The following RFXANK variants were observed in gnomAD, a reference collection of about 807,000 sequenced individuals.
RFXANK encodes the protein DNA-binding protein RFXANK.
In RFXANK, 19 loss-of-function variants were observed where a neutral mutation model predicts 34.5. The observed-to-expected ratio is 0.55, with a 90% CI of 0.38 to 0.81. The LOEUF is 0.81. Ranked by LOEUF, RFXANK falls within the 30% of genes least tolerant of loss-of-function variation. The pLI, the probability that RFXANK is intolerant of heterozygous loss-of-function variation, is 0.00. For synonymous variants in RFXANK, 154 were observed against 149.8 expected (o/e 1.03, Z -0.20); for missense variants, 295 against 343.5 (o/e 0.86, Z 1.12).
In RFXANK at chr19:19,198,090, C is replaced by G; in HGVS notation, c.439-17C>G. Reference sequence around the variant, plus strand: ...TGCCCCAATCCATCCTACCACTGTCCCTTCTTCTCCCTGCAGGGTGCCGAC... The same window carrying G: ...TGCCCCAATCCATCCTACCACTGTCGCTTCTTCTCCCTGCAGGGTGCCGAC... On this transcript the variant is annotated splice_polypyrimidine_tract_variant and intron_variant, in intron 6 of 9. Transcript: ENST00000303088. The G allele has an allele frequency of 1.2e-6, 2 of 1,613,768 alleles. No individual in the cohort carries two copies. The highest frequency in any genetic ancestry group is 1.3e-5 in the African/African-American group (1 of 75,008).
Position 19,197,224 on chromosome 19 carries a change from G to C in RFXANK, c.310G>C (p.Asp104His). 1 of 1,613,506 alleles carries C rather than the reference G, an allele frequency of 6.2e-7. No individual in the cohort carries two copies. Among genetic ancestry groups the C allele is most frequent in the Non-Finnish European group, 8.5e-7 (1 of 1,180,040 alleles). The change falls in exon 5 of 10, where the codon GAC becomes CAC. Residue 104 changes from aspartate (D) to histidine (H), a missense_variant. Asp to His is a moderately conservative substitution (Grantham distance 81). Coordinates refer to ENST00000303088, the MANE Select transcript of RFXANK (RefSeq NM_003721.4). ...CCAGCTCGCAGCACAGGGGGAGCTGGACCAGCTGAAGGAGCATTTGCGGAA... is the reference window on the plus strand; with the variant it reads ...CCAGCTCGCAGCACAGGGGGAGCTGCACCAGCTGAAGGAGCATTTGCGGAA... Reference protein sequence around the residue: ...IHQLAAQGELDQLKEHLRKGD... With the variant: ...IHQLAAQGELHQLKEHLRKGD...
chr19:19,201,443 T>C (rs768791563), intron 9 of RFXANK: 18 of 1,519,038 alleles, frequency 1.2e-5, no homozygotes, highest in Non-Finnish European at 1.5e-5. Flanking sequence ...ATATTAATTC[T>C]GAAAAGCTAC....
At chr19:19,197,322 C>T in intron 5 of RFXANK, 71 bp downstream of exon 5, 2 of 1,489,806 alleles carry the variant, frequency 1.3e-6, no homozygotes, top group African/African-American at 1.4e-5. Flanking sequence ...TCCATACCCA[C>T]TCATGACGTG....
chr19:19,198,883 G>A (rs2060648326), intron 8 of RFXANK, 160 bp downstream of exon 8: 7 of 820,508 alleles, frequency 8.5e-6, no homozygotes, highest in Non-Finnish European at 1.2e-5. Context: ...GGAGGAGGTG[G>A]TAGGACCACA....
rs2060543590 is a variant in RFXANK at position 19,193,811 on chromosome 19, C to A, written c.-8-128C>A. On this transcript the variant is annotated intron_variant, in intron 2 of 9. Transcript: ENST00000303088. Reference sequence around the variant, plus strand: ...TGGACTCTGGTTTTCATTTCCCTGGCTCTGGTAATTAACCTGGACCTCAGT... The same window carrying A: ...TGGACTCTGGTTTTCATTTCCCTGGATCTGGTAATTAACCTGGACCTCAGT... 4 of 1,035,670 alleles carry A rather than the reference C, an allele frequency of 3.9e-6. No individual in the cohort carries two copies. The African/African-American group carries it at 4.7e-5, about 12-fold the overall frequency. The allele number at this position is 1,035,670 out of a possible 1,614,324, so 64.2% of individuals were successfully genotyped here.
intron 6 of RFXANK, 46 bp downstream of exon 6, chr19:19,197,667 T>C (rs1284559975): frequency 6.4e-7 from 1 of 1,561,866 alleles, no homozygotes; most frequent in South Asian, 1.1e-5. Flanking sequence ...CCGGGGGCCT[T>C]AGGGTGGGCT....
chr19:19,198,444 A>C (rs1599784967), intron 7 of RFXANK, among the ~76,000 whole-genome samples: 1 of 152,376 alleles, frequency 6.6e-6, no homozygotes, highest in East Asian at 1.9e-4. Context: ...CTGCGATGGC[A>C]GATGCACAGG....
chr19:19,198,604 T>G, intron 7 of RFXANK, 53 bp from the exon 8 acceptor site: 11 of 1,596,524 alleles, frequency 6.9e-6, no homozygotes, highest in East Asian at 2.2e-5. Flanking sequence ...CAAGGCATTT[T>G]GAGAATGAGG....
rs572437636 is a variant in RFXANK at position 19,193,119 on chromosome 19, T to A, written c.-9+19T>A. 1 of 152,168 alleles carries A rather than the reference T, an allele frequency of 6.6e-6. No homozygotes were observed. Among genetic ancestry groups the A allele is most frequent in the South Asian group, 2.1e-4 (1 of 4,832 alleles). 9.4% of individuals were successfully genotyped at this position (152,168 alleles called of 1,614,324 possible). A position where few individuals can be genotyped will look rare whatever the true frequency, so the allele number is the denominator to read the frequency against. ...TGGGGAGGTGAGTGGACCTCCTGGA[T>A]CGATTTAGGAGGCTCGGGTGGGACT... is the stretch of plus-strand genomic sequence containing the variant. On this transcript the variant is annotated intron_variant, in intron 2 of 9. Transcript: ENST00000303088.
At chr19:19,194,562 C>T (rs572974414) in intron 3 of RFXANK, among the ~76,000 whole-genome samples, 19 of 151,430 alleles carry the variant, frequency 1.3e-4, no homozygotes, top group East Asian at 3.9e-4. Context: ...TACAGGGTCT[C>T]GCTCTGTTAC....
chr19:19,192,415 TGA>T lies in RFXANK; in HGVS notation c.-284_-283del. ...CTCCCTTTCTGAACCCCCTTTTCCT[TGA>T]GAGACGAGTTGGGGGAGTCCTCCAC... On this transcript the variant is annotated 5_prime_UTR_variant, in exon 1 of 10. Transcript: ENST00000303088. 2 of 516,364 alleles carry T rather than the reference TGA, an allele frequency of 3.9e-6. No homozygotes were observed. The highest frequency in any genetic ancestry group is 7.0e-6 in the Non-Finnish European group (2 of 286,272). The allele number at this position is 516,364 out of a possible 1,614,324, so 32.0% of individuals were successfully genotyped here.
At chr19:19,195,678 T>C (rs1172353770) in intron 3 of RFXANK, among the ~76,000 whole-genome samples, 1 of 151,772 alleles carries the variant, frequency 6.6e-6, no homozygotes, top group African/African-American at 2.4e-5. Flanking sequence ...TACCACCTTG[T>C]CTAAGAAGGA....
chr19:19,198,527 C>T, intron 7 of RFXANK, 130 bp from the exon 8 acceptor site: 2 of 1,153,134 alleles, frequency 1.7e-6, no homozygotes, highest in Non-Finnish European at 2.5e-6. Flanking sequence ...AAGCTTGAGA[C>T]CCCAGAAAGT....
Position 19,201,849 on chromosome 19 carries a change from T to C in RFXANK, c.*130T>C. ...GGGGACCCTTCCCAAGAGGAACCAATAAACCTTCTGTGCAGAATGAGGGAC... is the reference window on the plus strand; with the variant it reads ...GGGGACCCTTCCCAAGAGGAACCAACAAACCTTCTGTGCAGAATGAGGGAC... On this transcript the variant is annotated 3_prime_UTR_variant, in exon 10 of 10. Coordinates refer to ENST00000303088, the MANE Select transcript of RFXANK (RefSeq NM_003721.4). The C allele has an allele frequency of 1.2e-6, 2 of 1,611,890 alleles. No homozygotes were observed. The highest frequency in any genetic ancestry group is 1.7e-6 in the Non-Finnish European group (2 of 1,178,832).
intron 6 of RFXANK, 80 bp downstream of exon 6, chr19:19,197,701 C>T (rs1462618480): frequency 8.4e-6 from 11 of 1,310,396 alleles, no homozygotes; most frequent in East Asian, 7.1e-5. Context: ...TGTCTGCTGG[C>T]GCCTTGTCTT....
intron 5 of RFXANK, 132 bp from the exon 6 acceptor site, chr19:19,197,389 G>C: frequency 1.6e-6 from 2 of 1,214,238 alleles, no homozygotes; most frequent in South Asian, 1.3e-5. Context: ...CCGTGTTCAT[G>C]TATGTCCATC....
chr19:19,197,156 A>G (rs2060614008), intron 4 of RFXANK, 30 bp from the exon 5 acceptor site: 1 of 1,613,656 alleles, frequency 6.2e-7, no homozygotes, highest in Non-Finnish European at 8.5e-7. Flanking sequence ...CAAGGGGATG[A>G]GTGAGGACTC....
chr19:19,198,314 T>C lies in RFXANK; in HGVS notation c.564+82T>C, dbSNP rs191752093. 8 of 1,582,010 alleles carry C rather than the reference T, an allele frequency of 5.1e-6. No individual in the cohort carries two copies. In the Admixed American group the frequency reaches 1.5e-4, roughly 29 times the overall value. On this transcript the variant is annotated intron_variant, in intron 7 of 9. Transcript: ENST00000303088. ...AAATGTTCACAGAGTACTTGAAAGG[T>C]GCAGGCCTGCTCTAGGTGCCGAGAA...
intron 3 of RFXANK, 105 bp from the exon 4 acceptor site, chr19:19,196,858 C>T: frequency 2.9e-6 from 3 of 1,033,220 alleles, no homozygotes; most frequent in Non-Finnish European, 4.5e-6. Context: ...GACGGAGACT[C>T]CATCTCAAAC....
Sources: allele counts gnomAD v4.1 joint callset (sites outside exome capture counted in the v4.1 genomes callset), GRCh38; gene constraint gnomAD v4.1.1; transcripts MANE v1.5; gene names NCBI Gene and HGNC (gene_info 2026-07-23, HGNC 2026-07-21).